MYO1D: variants seen among roughly 807,000 people sequenced by gnomAD.
MYO1D encodes the protein myosin ID.
MYO1D carries 83 observed loss-of-function variants against 122.0 expected under a neutral mutation model. The observed-to-expected ratio is 0.68, with a 90% CI of 0.57 to 0.82. The LOEUF is 0.82. Among genes scored for constraint, MYO1D ranks in the 40% least tolerant of loss-of-function variants. MYO1D has a pLI of 0.00. For synonymous variants in MYO1D, 464 were observed against 446.9 expected, an observed-to-expected ratio of 1.04 and a Z score of -0.48; for missense variants, 1,157 against 1,269.5, an observed-to-expected ratio of 0.91 and a Z score of 1.35.
intron 21 of MYO1D, among the ~76,000 whole-genome samples, chr17:32,574,622 T>A (rs1029464706): frequency 2.0e-5 from 3 of 152,242 alleles, no homozygotes; most frequent in Non-Finnish European, 4.4e-5. Context: ...AGAAATAGTA[T>A]CTTGCTTATT....
chr17:32,589,178 A>G (rs113015100), intron 21 of MYO1D, among the ~76,000 whole-genome samples: 1,922 of 152,268 alleles, frequency 0.013, 19 homozygotes, highest in Non-Finnish European at 0.02. Flanking sequence ...TGATGGCCAC[A>G]AGGTGGCCGG....
intron 17 of MYO1D, 27 bp downstream of exon 17, chr17:32,659,088 A>T (rs2088515882): frequency 5.7e-6 from 9 of 1,583,706 alleles, no homozygotes; most frequent in Non-Finnish European, 7.8e-6. Flanking sequence ...CCATAAATGG[A>T]TGCAGCACAC....
chr17:32,620,383 A>T (rs908207507), intron 20 of MYO1D, among the ~76,000 whole-genome samples: 1 of 152,128 alleles, frequency 6.6e-6, no homozygotes, highest in Non-Finnish European at 1.5e-5. Context: ...TTTCTGGAGA[A>T]GGGTGCTTAT....
At chr17:32,677,934 T>C (rs1031707506) in intron 16 of MYO1D, among the ~76,000 whole-genome samples, 1 of 152,156 alleles carries the variant, frequency 6.6e-6, no homozygotes, top group Non-Finnish European at 1.5e-5. Context: ...AACTCCTCTA[T>C]AGCCGCCCTC....
chr17:32,795,188 G>C (rs1414068326), intron 1 of MYO1D, among the ~76,000 whole-genome samples: 1 of 152,100 alleles, frequency 6.6e-6, no homozygotes, highest in East Asian at 1.9e-4. Context: ...TCCAAGTGAA[G>C]ATGTTTCTCA....
chr17:32,846,405 T>C (rs2090938097), intron 1 of MYO1D, among the ~76,000 whole-genome samples: 1 of 152,242 alleles, frequency 6.6e-6, no homozygotes, highest in South Asian at 2.1e-4. Context: ...CATCACTCTG[T>C]TTTACTAATA....
At chr17:32,734,094 A>G (rs1423961463) in intron 14 of MYO1D, among the ~76,000 whole-genome samples, 4 of 152,210 alleles carry the variant, frequency 2.6e-5, no homozygotes, top group African/African-American at 9.6e-5. Flanking sequence ...TGGCTCCACA[A>G]AGGTTTTATA....
intron 19 of MYO1D, among the ~76,000 whole-genome samples, chr17:32,640,957 T>G (rs562356139): frequency 6.6e-6 from 1 of 152,112 alleles, no homozygotes; most frequent in Non-Finnish European, 1.5e-5. Flanking sequence ...AAATTATACT[T>G]TAAGTTCTAG....
At chr17:32,514,295 G>C (rs1909810345) in intron 21 of MYO1D, among the ~76,000 whole-genome samples, 1 of 137,552 alleles carries the variant, frequency 7.3e-6, no homozygotes, top group Non-Finnish European at 1.6e-5. Context: ...GTTTTCCTAT[G>C]TTGCCCTGGC....
intron 19 of MYO1D, 124 bp downstream of exon 19, chr17:32,653,719 C>A: frequency 1.4e-6 from 1 of 736,172 alleles, no homozygotes; most frequent in South Asian, 1.6e-5. Context: ...ACAGACAGGT[C>A]TAGTGAACTG....
At chr17:32,776,910 T>G (rs928752906) in intron 3 of MYO1D, among the ~76,000 whole-genome samples, 2 of 152,224 alleles carry the variant, frequency 1.3e-5, no homozygotes, top group Admixed American at 6.5e-5. Flanking sequence ...CCTGCAGAAA[T>G]AACTTTGGCC....
At position 32,839,751 on chromosome 17, in the gene MYO1D, T is replaced by C. The variant is rs189425155; in HGVS notation, c.95+37027A>G. ...CTGCTCATATTTTTAGGCCTGTATT[T>C]ACTCTCAGGATTTTTAATGCATTTT... On this transcript the variant is annotated intron_variant, in intron 1 of 21. Coordinates refer to ENST00000318217, the MANE Select transcript of MYO1D (RefSeq NM_015194.3). Among the ~76,000 whole-genome samples, 10 of 152,284 alleles carry C rather than the reference T, an allele frequency of 6.6e-5. No individual in the cohort carries two copies. The East Asian group carries it at 1.9e-3, about 29-fold the overall frequency.
chr17:32,765,119 A>C (rs2090042483), intron 7 of MYO1D, 38 bp from the exon 8 acceptor site: 2 of 1,521,548 alleles, frequency 1.3e-6, no homozygotes, highest in East Asian at 4.5e-5. Flanking sequence ...ATTATGAAAC[A>C]TTATGTCAAG....
chr17:32,710,878 TTCTA>T (rs901383250), intron 16 of MYO1D, among the ~76,000 whole-genome samples: 12 of 152,162 alleles, frequency 7.9e-5, no homozygotes, highest in African/African-American at 2.7e-4. Flanking sequence ...TGAGATATCA[TTCTA>T]TCTATTAATC....
intron 16 of MYO1D, among the ~76,000 whole-genome samples, chr17:32,702,098 G>A (rs79831468): frequency 6.6e-6 from 1 of 152,322 alleles, no homozygotes; most frequent in Non-Finnish European, 1.5e-5. Flanking sequence ...TTTGAGGACA[G>A]TGGCCCAGGA....
At chr17:32,741,310 C>A (rs781535320) in intron 13 of MYO1D, among the ~76,000 whole-genome samples, 4 of 151,108 alleles carry the variant, frequency 2.6e-5, no homozygotes, top group African/African-American at 7.3e-5. Flanking sequence ...GGTTATTAGC[C>A]ATGGAAGCAT....
intron 1 of MYO1D, 65 bp from the exon 2 acceptor site, chr17:32,780,849 G>T (rs2090230024): frequency 2.2e-5 from 33 of 1,472,830 alleles, no homozygotes; most frequent in Non-Finnish European, 3.0e-5. Context: ...TATCTGTCCT[G>T]TGAGTCTCTT....
Position 32,671,188 on chromosome 17 carries a change from G to T in MYO1D, c.2122-11850C>A, listed in dbSNP as rs2088714675. Among the ~76,000 whole-genome samples the T allele has an allele frequency of 2.0e-5, 3 of 152,234 alleles. No individual in the cohort carries two copies. The South Asian group carries it at 6.2e-4, about 32-fold the overall frequency. ...GGGCTCTGGAGTCATAGGCACCCCT[G>T]CCTGGGCATCACTGCATTCCCCTGG... On this transcript the variant is annotated intron_variant, in intron 16 of 21. Transcript: ENST00000318217.
chr17:32,861,112 A>G (rs559950335), intron 1 of MYO1D, among the ~76,000 whole-genome samples: 38 of 140,752 alleles, frequency 2.7e-4, no homozygotes, highest in Admixed American at 1.4e-3. Context: ...TCTGTTGCCC[A>G]GGCTGGACTG....
Sources: gnomAD v4.1 joint callset for allele counts (sites outside exome capture counted in the v4.1 genomes callset) on GRCh38, gnomAD v4.1.1 for gene constraint, MANE v1.5 for transcripts, NCBI Gene and HGNC (gene_info 2026-07-23, HGNC 2026-07-21) for gene names.